Variants in SHTN1 observed in about 807,000 individuals in gnomAD.
SHTN1 encodes shootin-1.
SHTN1 carries 42 observed loss-of-function variants against 83.1 expected under a neutral mutation model. That is an observed-to-expected ratio of 0.51 (90% confidence interval 0.39 to 0.65). The LOEUF is 0.65. Ranked by LOEUF, SHTN1 falls within the 30% of genes least tolerant of loss-of-function variation. The probability of loss-of-function intolerance (pLI) is 0.00; values close to 1 mark genes in which losing one functional copy is unlikely to be tolerated. For missense variants in SHTN1, 622 were observed against 737.8 expected, an observed-to-expected ratio of 0.84 and a Z score of 1.82; for synonymous variants, 224 against 247.7, an observed-to-expected ratio of 0.90 and a Z score of 0.90.
intron 2 of SHTN1, among the ~76,000 whole-genome samples, chr10:117,045,882 G>A (rs1479453956): frequency 2.0e-5 from 3 of 152,074 alleles, no homozygotes; most frequent in African/African-American, 7.2e-5. Context: ...GAAAAAAGTG[G>A]ATGGCATACA....
intron 1 of SHTN1, among the ~76,000 whole-genome samples, chr10:117,064,423 A>G (rs2133597580): frequency 6.6e-6 from 1 of 152,310 alleles, no homozygotes; most frequent in South Asian, 2.1e-4. Context: ...TGGGAGGCCA[A>G]GGCAGGCGGA....
At position 116,906,637 on chromosome 10, in the gene SHTN1, T is replaced by A. The variant is rs1219506568; in HGVS notation, c.1470A>T (p.Ala490=). The change falls in exon 15 of 17, where the codon GCA becomes GCT. Residue 490 remains alanine, a synonymous_variant. Transcript: ENST00000355371. ...TTCAAACCGGCTTACTACTGCTATCTGCTTCTGCTGTCACCTTTCTGCGAC... is the reference window on the plus strand; with the variant it reads ...TTCAAACCGGCTTACTACTGCTATCAGCTTCTGCTGTCACCTTTCTGCGAC... The part of the protein sequence containing the change: ...ILRRRKVTAE[A]DSSSPTGILA... 1.9e-6 allele frequency: 3 copies of A among 1,612,120 alleles called. No individual in the cohort carries two copies. The highest frequency in any genetic ancestry group is 2.5e-6 in the Non-Finnish European group (3 of 1,178,968).
chr10:117,012,809 T>C (rs1286268267), intron 2 of SHTN1, among the ~76,000 whole-genome samples: 3 of 152,200 alleles, frequency 2.0e-5, no homozygotes, highest in African/African-American at 7.2e-5. Context: ...GGGAAAATAT[T>C]TACAAATTAC....
At chr10:117,063,577 C>T (rs528123731) in intron 1 of SHTN1, among the ~76,000 whole-genome samples, 68 of 152,072 alleles carry the variant, frequency 4.5e-4, no homozygotes, top group Non-Finnish European at 7.8e-4. Flanking sequence ...TTCTGTTTTC[C>T]TTATGTGCCC....
At chr10:116,949,355 C>A (rs1372013444) in intron 6 of SHTN1, among the ~76,000 whole-genome samples, 1 of 152,022 alleles carries the variant, frequency 6.6e-6, no homozygotes, top group Admixed American at 6.6e-5. Context: ...GTCTCGAACT[C>A]CTGGGCTCAA....
At position 116,981,684 on chromosome 10, in the gene SHTN1, G is replaced by GA. The variant is rs374399944; in HGVS notation, c.59-2377dup. 1.3e-3 allele frequency among the ~76,000 whole-genome samples: 195 copies of GA among 152,266 alleles called. 1 individual carries two copies. Among genetic ancestry groups the GA allele is most frequent in the African/African-American group, 4.4e-3 (182 of 41,560 alleles). On this transcript the variant is annotated intron_variant, in intron 1 of 16. Coordinates refer to ENST00000355371, the MANE Select transcript of SHTN1 (RefSeq NM_001127211.3). ...TTTAAAAGTATCTATAGATGAAGTTGAAAAAACCAAAATTTATTTAATGTT... is the reference window on the plus strand; with the variant it reads ...TTTAAAAGTATCTATAGATGAAGTTGAAAAAAACCAAAATTTATTTAATGTT...
chr10:116,960,363 G>T, intron 3 of SHTN1, 133 bp from the exon 4 acceptor site: 1 of 549,106 alleles, frequency 1.8e-6, no homozygotes, highest in Non-Finnish European at 3.2e-6. Flanking sequence ...ACTGAAAAAA[G>T]GTTTTTGAGA....
At chr10:116,905,208 C>CAAAAAA (rs772309175) in intron 15 of SHTN1, among the ~76,000 whole-genome samples, 2 of 63,418 alleles carry the variant, frequency 3.2e-5, no homozygotes, top group African/African-American at 9.7e-5. Context: ...GACTCCGTCT[C>CAAAAAA]AAAAAAAAAA....
intron 9 of SHTN1, among the ~76,000 whole-genome samples, chr10:116,933,096 G>T (rs945441942): frequency 2.6e-5 from 4 of 151,840 alleles, no homozygotes; most frequent in African/African-American, 9.7e-5. Flanking sequence ...TCTTTCCCAG[G>T]GGACTGTTAC....
chr10:117,095,223 C>T (rs1261495627), intron 1 of SHTN1, among the ~76,000 whole-genome samples: 1 of 152,170 alleles, frequency 6.6e-6, no homozygotes, highest in African/African-American at 2.4e-5. Flanking sequence ...TGTCAATGTC[C>T]GCTAGCCATT....
intron 4 of SHTN1, 75 bp from the exon 5 acceptor site, chr10:116,954,285 T>G (rs1332523660): frequency 4.2e-5 from 40 of 963,008 alleles, no homozygotes; most frequent in Non-Finnish European, 5.4e-5. Flanking sequence ...AATAGACAAA[T>G]TAAGTATATT....
At chr10:117,016,856 T>C (rs1436856486) in intron 2 of SHTN1, among the ~76,000 whole-genome samples, 1 of 152,162 alleles carries the variant, frequency 6.6e-6, no homozygotes, top group Non-Finnish European at 1.5e-5. Flanking sequence ...AATAGGTACA[T>C]ACATAAAGGT....
chr10:117,040,472 TACC>T (rs1852567097), intron 2 of SHTN1, among the ~76,000 whole-genome samples: 1 of 152,218 alleles, frequency 6.6e-6, no homozygotes, highest in South Asian at 2.1e-4. Context: ...GAAATTGACA[TACC>T]ACTACATGCC....
At chr10:116,935,720 G>A (rs1042898455) in intron 9 of SHTN1, among the ~76,000 whole-genome samples, 13 of 152,106 alleles carry the variant, frequency 8.5e-5, no homozygotes, top group Admixed American at 3.3e-4. Flanking sequence ...CTATTGCTTG[G>A]AATAGTTTCA....
At chr10:116,989,643 T>C (rs1039593585) in intron 1 of SHTN1, among the ~76,000 whole-genome samples, 2 of 152,182 alleles carry the variant, frequency 1.3e-5, no homozygotes, top group Admixed American at 6.5e-5. Flanking sequence ...TTTGGCCCAT[T>C]AGCTTCCCCA....
At chr10:116,959,103 CACA>C (rs1272273578) in intron 4 of SHTN1, among the ~76,000 whole-genome samples, 1 of 152,276 alleles carries the variant, frequency 6.6e-6, no homozygotes, top group Non-Finnish European at 1.5e-5. Context: ...ATAGAATTCA[CACA>C]ACATTACGGA....
At chr10:117,117,025 T>C (rs1228597277) in intron 1 of SHTN1, among the ~76,000 whole-genome samples, 1 of 152,108 alleles carries the variant, frequency 6.6e-6, no homozygotes, top group Admixed American at 6.5e-5. Flanking sequence ...TTCACCACTT[T>C]TATTCAACAT....
intron 1 of SHTN1, among the ~76,000 whole-genome samples, chr10:117,057,497 C>A (rs1852841333): frequency 6.6e-6 from 1 of 152,172 alleles, no homozygotes; most frequent in Admixed American, 6.5e-5. Context: ...CCCATTGCTA[C>A]AAGGCCCTCC....
rs1847011528 is a variant in SHTN1, at chr10:116,881,512, T to G, written c.*4832A>C. The G allele has an allele frequency of 1.2e-5, 18 of 1,534,898 alleles. No individual in the cohort carries two copies. The highest frequency in any genetic ancestry group is 1.6e-5 in the Non-Finnish European group (18 of 1,141,064). On this transcript the variant is annotated 3_prime_UTR_variant, in exon 17 of 17. Coordinates refer to ENST00000355371, the MANE Select transcript of SHTN1 (RefSeq NM_001127211.3). ...CAGTAAACTTTATTGTTACTTTAAA[T>G]AGGTTTCAAAGAAGAACACACTTTT...
Sources: allele counts gnomAD v4.1 joint callset (sites outside exome capture counted in the v4.1 genomes callset), GRCh38; gene constraint gnomAD v4.1.1; transcripts MANE v1.5; gene names NCBI Gene and HGNC (gene_info 2026-07-23, HGNC 2026-07-21).